CGAS: variants seen among roughly 807,000 people sequenced by gnomAD.
CGAS encodes the protein cyclic GMP-AMP synthase.
In CGAS, 31 loss-of-function variants were observed where a neutral mutation model predicts 34.0. The ratio of observed to expected loss-of-function variants is 0.91; its 90% CI spans 0.69 to 1.23. CGAS has a LOEUF of 1.23. Among genes scored for constraint, CGAS ranks in the 50% most tolerant of loss-of-function variants. CGAS has a pLI of 0.00. For synonymous variants in CGAS, 266 were observed against 260.0 expected, an observed-to-expected ratio of 1.02 and a Z score of -0.22; for missense variants, 597 against 657.6, an observed-to-expected ratio of 0.91 and a Z score of 1.01.
intron 3 of CGAS, among the ~76,000 whole-genome samples, chr6:73,436,171 G>A (rs1237154472): frequency 5.9e-5 from 9 of 151,780 alleles, no homozygotes; most frequent in South Asian, 4.2e-4. Context: ...TCAGCCTCCC[G>A]AAGGCTGAGG....
At chr6:73,437,330 A>C (rs1461378254) in intron 3 of CGAS, among the ~76,000 whole-genome samples, 1 of 152,174 alleles carries the variant, frequency 6.6e-6, no homozygotes, top group Non-Finnish European at 1.5e-5. Flanking sequence ...ATGCTTTATA[A>C]ATTTATGAAA....
intron 2 of CGAS, among the ~76,000 whole-genome samples, chr6:73,443,706 A>G (rs2150815294): frequency 6.6e-6 from 1 of 152,356 alleles, no homozygotes; most frequent in Non-Finnish European, 1.5e-5. Flanking sequence ...ATTTGTTATT[A>G]ATTGTACGTC....
intron 1 of CGAS, among the ~76,000 whole-genome samples, chr6:73,449,725 G>A (rs1023027763): frequency 1.3e-5 from 2 of 152,130 alleles, no homozygotes; most frequent in East Asian, 1.9e-4. Context: ...GCTGGGTGCC[G>A]TGGCTCAAGC....
intron 3 of CGAS, among the ~76,000 whole-genome samples, chr6:73,437,111 C>T (rs1485456208): frequency 6.6e-6 from 1 of 152,058 alleles, no homozygotes; most frequent in Admixed American, 6.6e-5. Flanking sequence ...AAGATTGCCC[C>T]ACTGCGCTCC....
intron 3 of CGAS, among the ~76,000 whole-genome samples, chr6:73,434,217 C>T (rs563543852): frequency 1.1e-4 from 16 of 152,280 alleles, no homozygotes; most frequent in Non-Finnish European, 2.2e-4. Context: ...TTCAACCAAT[C>T]GTGAATTGAA....
At chr6:73,433,695 G>A (rs952461730) in intron 3 of CGAS, among the ~76,000 whole-genome samples, 1 of 151,076 alleles carries the variant, frequency 6.6e-6, no homozygotes, top group Admixed American at 6.6e-5. Flanking sequence ...TACCATGTTG[G>A]CCAGGATGGT....
intron 1 of CGAS, among the ~76,000 whole-genome samples, chr6:73,447,693 T>A (rs541269733): frequency 9.8e-5 from 15 of 152,298 alleles, no homozygotes; most frequent in African/African-American, 3.6e-4. Flanking sequence ...CTTGATGTGA[T>A]TCTCCCACCT....
chr6:73,431,725 T>C (rs57581981), intron 3 of CGAS, among the ~76,000 whole-genome samples: 2 of 152,162 alleles, frequency 1.3e-5, no homozygotes, highest in African/African-American at 2.4e-5. Flanking sequence ...TGAACCTTAT[T>C]TGAATCCTGA....
intron 2 of CGAS, among the ~76,000 whole-genome samples, chr6:73,443,356 A>G (rs1023358967): frequency 4.1e-5 from 6 of 148,030 alleles, no homozygotes; most frequent in African/African-American, 1.5e-4. Flanking sequence ...TCTCTGCCTC[A>G]GCCTCCCAAG....
chr6:73,427,629 G>A (rs945621214), intron 4 of CGAS, among the ~76,000 whole-genome samples: 1 of 151,966 alleles, frequency 6.6e-6, no homozygotes, highest in African/African-American at 2.4e-5. Flanking sequence ...AAACTCAAAT[G>A]AACAATTCCT....
chr6:73,442,294 C>A (rs1017795898), intron 2 of CGAS, among the ~76,000 whole-genome samples: 1 of 152,052 alleles, frequency 6.6e-6, no homozygotes, highest in Non-Finnish European at 1.5e-5. Flanking sequence ...TCCCTCCCTG[C>A]TAGATTATTC....
Position 73,452,095 on chromosome 6 carries a change from G to A in CGAS, c.87C>T (p.Gly29=). 1.3e-6 allele frequency: 2 copies of A among 1,586,108 alleles called. No individual in the cohort carries two copies. Among genetic ancestry groups the A allele is most frequent in the Non-Finnish European group, 1.7e-6 (2 of 1,166,862 alleles). ...GAGACTCGGTGGGATCCATCGGGGC[G>A]CCCCTGGCATTCCGTGCGGAAGCCT... ...APKASARNAR[G]APMDPTESPA... Residue 29 remains glycine, a synonymous_variant, in exon 1 of 5, where the codon GGC becomes GGT. Transcript: ENST00000370315.
intron 1 of CGAS, among the ~76,000 whole-genome samples, 172 bp downstream of exon 1, chr6:73,451,353 A>G (rs984558228): frequency 2.0e-5 from 3 of 152,234 alleles, no homozygotes; most frequent in Non-Finnish European, 4.4e-5. Context: ...TTGGATGTGT[A>G]GATGAATAAA....
intron 2 of CGAS, among the ~76,000 whole-genome samples, chr6:73,443,362 C>T (rs1363854902): frequency 6.6e-6 from 1 of 151,786 alleles, no homozygotes; most frequent in African/African-American, 2.4e-5. Context: ...CCTCAGCCTC[C>T]CAAGTAGCTG....
chr6:73,435,487 T>C (rs1422346363), intron 3 of CGAS, among the ~76,000 whole-genome samples: 1 of 152,144 alleles, frequency 6.6e-6, no homozygotes, highest in Admixed American at 6.6e-5. Flanking sequence ...TTTGACCAGC[T>C]GTAAAAATAG....
At chr6:73,438,561 T>C (rs553757609) in intron 3 of CGAS, among the ~76,000 whole-genome samples, 10 of 152,032 alleles carry the variant, frequency 6.6e-5, no homozygotes, top group African/African-American at 2.2e-4. Flanking sequence ...CCTCGCGTGG[T>C]GGCATGCGCC....
chr6:73,425,418 G>T lies in CGAS; in HGVS notation c.1378C>A (p.Leu460Met). 6.2e-7 allele frequency: 1 copy of T among 1,614,062 alleles called. No homozygotes were observed. Among genetic ancestry groups the T allele is most frequent in the Non-Finnish European group, 8.5e-7 (1 of 1,180,032 alleles). Residue 460 changes from leucine to methionine, a missense_variant, in exon 5 of 5, where the codon CTG becomes ATG. Physicochemically the swap from Leu to Met is conservative, Grantham distance 15 (BLOSUM62 2). Coordinates refer to ENST00000370315, the MANE Select transcript of CGAS (RefSeq NM_138441.3). The stretch of plus-strand genomic sequence containing the variant: ...ACGCAGTTATCAAAGCAGAGGCCCA[G>T]GTCTTTGCGGTCCCACTGACTGTCT... Reference protein sequence around the residue: ...PQDSQWDRKDLGLCFDNCVTY... With the variant: ...PQDSQWDRKDMGLCFDNCVTY...
At chr6:73,450,483 C>A (rs1343580775) in intron 1 of CGAS, among the ~76,000 whole-genome samples, 1 of 151,778 alleles carries the variant, frequency 6.6e-6, no homozygotes, top group African/African-American at 2.4e-5. Context: ...GCAAGAAACA[C>A]GCTCCAGTCA....
Position 73,425,396 on chromosome 6 carries a change from C to A in CGAS, c.1400G>T (p.Cys467Phe), listed in dbSNP as rs1192897199. 1.6e-5 allele frequency: 26 copies of A among 1,613,712 alleles called. No individual in the cohort carries two copies. The highest frequency in any genetic ancestry group is 2.0e-5 in the Non-Finnish European group (24 of 1,179,994). ...RKDLGLCFDN[C>F]VTYFLQCLRT... Reference sequence around the variant, plus strand: ...GAGGCACTGAAGAAAGTATGTCACGCAGTTATCAAAGCAGAGGCCCAGGTC... The same window carrying A: ...GAGGCACTGAAGAAAGTATGTCACGAAGTTATCAAAGCAGAGGCCCAGGTC... The change falls in exon 5 of 5, where the codon TGC becomes TTC. Residue 467 changes from cysteine to phenylalanine, a missense_variant. Physicochemically the swap from Cys to Phe is radical, Grantham distance 205. Around this residue, in one of 3 missense-constraint regions of CGAS, gnomAD observed 271 missense variants for 324.1 expected, o/e 0.84. Transcript: ENST00000370315.
Sources: allele counts gnomAD v4.1 joint callset (sites outside exome capture counted in the v4.1 genomes callset), GRCh38; gene constraint gnomAD v4.1.1; regional missense constraint gnomAD v4.1.1; transcripts MANE v1.5; gene names NCBI Gene and HGNC (gene_info 2026-07-23, HGNC 2026-07-21).